Variants in C1orf21 observed in about 807,000 individuals in gnomAD.
C1orf21 encodes the protein chromosome 1 open reading frame 21.
Under a neutral mutation model 18.7 loss-of-function variants are expected in C1orf21, and 3 were observed. The ratio of observed to expected loss-of-function variants is 0.16; its 90% CI spans 0.07 to 0.42. The LOEUF (loss-of-function observed/expected upper bound fraction) is 0.42, where lower values mean the gene tolerates loss of function less well. Among genes scored for constraint, C1orf21 ranks in the 10% least tolerant of loss-of-function variants. C1orf21 has a pLI of 0.99. For synonymous variants in C1orf21, 41 were observed against 46.4 expected, an observed-to-expected ratio of 0.88 and a Z score of 0.47; for missense variants, 104 against 143.6, an observed-to-expected ratio of 0.72 and a Z score of 1.41.
At chr1:184,419,886 G>A (rs1378014676) in intron 1 of C1orf21, among the ~76,000 whole-genome samples, 1 of 152,162 alleles carries the variant, frequency 6.6e-6, no homozygotes, top group Non-Finnish European at 1.5e-5. Flanking sequence ...GATTGTGTGA[G>A]GCCCTGGAGG....
chr1:184,601,759 G>A (rs563605629), intron 5 of C1orf21, among the ~76,000 whole-genome samples: 1 of 152,110 alleles, frequency 6.6e-6, no homozygotes, highest in South Asian at 2.1e-4. Context: ...AAATTAGCCG[G>A]GCGTGGTGGC....
At chr1:184,424,066 T>A (rs1041151452) in intron 1 of C1orf21, among the ~76,000 whole-genome samples, 3 of 152,228 alleles carry the variant, frequency 2.0e-5, no homozygotes, top group African/African-American at 7.2e-5. Context: ...TTTCCTTGGA[T>A]TGAGTGAAAT....
intron 3 of C1orf21, among the ~76,000 whole-genome samples, chr1:184,509,679 A>T (rs1234395948): frequency 6.6e-6 from 1 of 152,218 alleles, no homozygotes; most frequent in Admixed American, 6.5e-5. Context: ...GGTGGATAAA[A>T]TAGATTTAAC....
At chr1:184,485,562 G>A (rs1657721114) in intron 2 of C1orf21, among the ~76,000 whole-genome samples, 1 of 152,104 alleles carries the variant, frequency 6.6e-6, no homozygotes, top group African/African-American at 2.4e-5. Flanking sequence ...GTTTGATGGA[G>A]GCAGTGGCCC....
At position 184,619,624 on chromosome 1, in the gene C1orf21, T is replaced by C. The variant is rs1289262330; in HGVS notation, c.*68T>C. 1 of 1,495,520 alleles carries C rather than the reference T, an allele frequency of 6.7e-7. No homozygotes were observed. Among genetic ancestry groups the C allele is most frequent in the Non-Finnish European group, 9.2e-7 (1 of 1,084,858 alleles). 92.6% of individuals were successfully genotyped at this position (1,495,520 alleles called of 1,614,324 possible). On this transcript the variant is annotated 3_prime_UTR_variant, in exon 6 of 6. Transcript: ENST00000235307. ...TAGGTTACACCCCAGTTGAAATCTT[T>C]GCAAAGGTCGGTTCTATTCAGCGAA...
intron 3 of C1orf21, among the ~76,000 whole-genome samples, chr1:184,544,132 C>T (rs373071835): frequency 3.9e-5 from 6 of 152,234 alleles, no homozygotes; most frequent in Admixed American, 3.9e-4. Context: ...TTCAAGGGCA[C>T]GCCTCTTATT....
chr1:184,611,903 A>T (rs182003540), intron 5 of C1orf21, among the ~76,000 whole-genome samples: 193 of 152,330 alleles, frequency 1.3e-3, no homozygotes, highest in Non-Finnish European at 2.3e-3. Context: ...GCATATTGGT[A>T]CAATATACAC....
intron 3 of C1orf21, among the ~76,000 whole-genome samples, chr1:184,550,235 C>T (rs971849974): frequency 6.6e-6 from 1 of 152,128 alleles, no homozygotes; most frequent in African/African-American, 2.4e-5. Context: ...TCAAGGAACG[C>T]ATGTAGTGCT....
chr1:184,483,651 C>T lies in C1orf21; in HGVS notation c.94+6048C>T, dbSNP rs907642583. On this transcript the variant is annotated intron_variant, in intron 2 of 5. Coordinates refer to ENST00000235307, the MANE Select transcript of C1orf21 (RefSeq NM_030806.4). ...TTTAGGCTGTGACAGCCCATCACCC[C>T]AAGAACTGCAGTGTCCTCAGGAGGA... 4.2e-4 allele frequency among the ~76,000 whole-genome samples: 64 copies of T among 152,294 alleles called. 1 individual carries two copies. The highest frequency in any genetic ancestry group is 1.4e-3 in the African/African-American group (60 of 41,556).
At chr1:184,400,651 T>C (rs1490540475) in intron 1 of C1orf21, among the ~76,000 whole-genome samples, 1 of 152,138 alleles carries the variant, frequency 6.6e-6, no homozygotes, top group African/African-American at 2.4e-5. Context: ...GTTTCTAATC[T>C]TTTGCTCTTA....
intron 1 of C1orf21, among the ~76,000 whole-genome samples, chr1:184,431,543 G>A (rs1186361869): frequency 6.6e-6 from 1 of 152,054 alleles, no homozygotes; most frequent in Non-Finnish European, 1.5e-5. Flanking sequence ...CAATACCATT[G>A]AGGACATAGG....
At chr1:184,447,260 T>C (rs1657049134) in intron 1 of C1orf21, among the ~76,000 whole-genome samples, 1 of 152,216 alleles carries the variant, frequency 6.6e-6, no homozygotes, top group Non-Finnish European at 1.5e-5. Flanking sequence ...GGATCTGTCA[T>C]TCCTCTGAAA....
intron 3 of C1orf21, among the ~76,000 whole-genome samples, chr1:184,524,963 AG>A (rs1382153974): frequency 1.3e-5 from 2 of 152,076 alleles, no homozygotes; most frequent in African/African-American, 4.8e-5. Flanking sequence ...TAGTCTGAGG[AG>A]TACATTGAGA....
chr1:184,551,592 T>C (rs1203946713), intron 3 of C1orf21, among the ~76,000 whole-genome samples: 1 of 152,272 alleles, frequency 6.6e-6, no homozygotes, highest in African/African-American at 2.4e-5. Flanking sequence ...TAATATAGTT[T>C]TGTTACATCA....
At position 184,567,838 on chromosome 1, in the gene C1orf21, G is replaced by A. The variant is rs6666183; in HGVS notation, c.190-22901G>A. ...CTAGCTTTTGTTTCCTGCAAGCCCC[G>A]TGATGAAACCACAAGGAATGAACCA... On this transcript the variant is annotated intron_variant, in intron 3 of 5. Transcript: ENST00000235307. 1,886 of 219,360 alleles carry A rather than the reference G, an allele frequency of 8.6e-3. 34 individuals carry two copies. Among genetic ancestry groups the A allele is most frequent in the African/African-American group, 0.041 (1,743 of 42,688 alleles). The allele number at this position is 219,360 out of a possible 1,614,324, so 13.6% of individuals were successfully genotyped here.
intron 3 of C1orf21, chr1:184,567,823 T>C: frequency 4.4e-6 from 1 of 226,318 alleles, no homozygotes; most frequent in Non-Finnish European, 8.9e-6. Context: ...CTAGCTTTTG[T>C]TTCCTGCAAG....
intron 3 of C1orf21, among the ~76,000 whole-genome samples, chr1:184,570,209 A>T (rs1160010259): frequency 6.6e-6 from 1 of 152,168 alleles, no homozygotes; most frequent in East Asian, 1.9e-4. Context: ...TCAGTAAAAG[A>T]CATGGGATCC....
At chr1:184,518,989 T>G (rs768829372) in intron 3 of C1orf21, among the ~76,000 whole-genome samples, 11 of 152,144 alleles carry the variant, frequency 7.2e-5, no homozygotes, top group Non-Finnish European at 1.3e-4. Context: ...GGGAGGCTGA[T>G]GGAATAATTT....
rs1657920827 is a variant in C1orf21 at position 184,498,124 on chromosome 1, A to AC, written c.95-9460dup. ...CCACAATTCTCCCACTAACCTCCTCACCCCTTCCCCAATCTGCATCACAAA... is the reference window on the plus strand; with the variant it reads ...CCACAATTCTCCCACTAACCTCCTCACCCCCTTCCCCAATCTGCATCACAAA... On this transcript the variant is annotated intron_variant, in intron 2 of 5. Coordinates refer to ENST00000235307, the MANE Select transcript of C1orf21 (RefSeq NM_030806.4). Among the ~76,000 whole-genome samples, 3 of 151,596 alleles carry AC rather than the reference A, an allele frequency of 2.0e-5. No homozygotes were observed. In the South Asian group the frequency reaches 6.3e-4, roughly 32 times the overall value.
Sources: allele counts gnomAD v4.1 joint callset (sites outside exome capture counted in the v4.1 genomes callset), GRCh38; gene constraint gnomAD v4.1.1; transcripts MANE v1.5; gene names NCBI Gene and HGNC (gene_info 2026-07-23, HGNC 2026-07-21).